CLPB: variants seen among roughly 807,000 people sequenced by gnomAD.
The protein encoded by CLPB is mitochondrial disaggregase.
Under a neutral mutation model 78.4 loss-of-function variants are expected in CLPB, and 40 were observed. That is an observed-to-expected ratio of 0.51 (90% CI 0.40 to 0.66). The LOEUF (loss-of-function observed/expected upper bound fraction) is 0.66. Among genes scored for constraint, CLPB ranks in the 30% least tolerant of loss-of-function variants. The pLI, the probability that CLPB is intolerant of heterozygous loss-of-function variation, is 0.00. For synonymous variants in CLPB, 333 were observed against 348.0 expected (o/e 0.96, Z 0.48); for missense variants, 780 against 886.9 (o/e 0.88, Z 1.53).
At chr11:72,298,487 A>G (rs1301959291) in intron 11 of CLPB, among the ~76,000 whole-genome samples, 2 of 152,088 alleles carry the variant, frequency 1.3e-5, no homozygotes, top group African/African-American at 4.8e-5. Context: ...AATGAGCCAC[A>G]TTCTTTTGGT....
chr11:72,349,751 AG>A (rs1043149933), intron 5 of CLPB, among the ~76,000 whole-genome samples: 2 of 152,212 alleles, frequency 1.3e-5, no homozygotes, highest in Non-Finnish European at 2.9e-5. Context: ...CATACGCTGG[AG>A]GGGGCATGAG....
chr11:72,382,488 T>C (rs946470038), intron 3 of CLPB, among the ~76,000 whole-genome samples: 5 of 152,158 alleles, frequency 3.3e-5, no homozygotes, highest in African/African-American at 1.2e-4. Context: ...GGCTTCAGGC[T>C]GGCTCCCGCA....
chr11:72,285,749 T>TGCC lies in CLPB; in HGVS notation c.*7615_*7617dup, dbSNP rs1320012019. 6.6e-6 allele frequency: 1 copy of TGCC among 152,202 alleles called. No homozygotes were observed. The highest frequency in any genetic ancestry group is 1.5e-5 in the Non-Finnish European group (1 of 68,040). The allele number at this position is 152,202 out of a possible 1,614,324, so 9.4% of individuals were successfully genotyped here. ...TCCCCTTCCATTGCTGTCCCTGAAT[T>TGCC]GCCCAGTTCTGCTCCCTTCCAGAAA... On this transcript the variant is annotated 3_prime_UTR_variant, in exon 16 of 16. Coordinates refer to ENST00000538039, the MANE Select transcript of CLPB (RefSeq NM_001258392.3).
At chr11:72,404,118 C>A (rs976955897) in intron 2 of CLPB, among the ~76,000 whole-genome samples, 2 of 152,188 alleles carry the variant, frequency 1.3e-5, no homozygotes, top group African/African-American at 4.8e-5. Flanking sequence ...CACCACCCTT[C>A]CTCCAGACAG....
At chr11:72,358,733 C>T in intron 5 of CLPB, 147 bp downstream of exon 5, 1 of 705,824 alleles carries the variant, frequency 1.4e-6, no homozygotes, top group Non-Finnish European at 2.3e-6. Flanking sequence ...GATAACAGGG[C>T]TCTGGGGAAG....
chr11:72,361,837 T>C (rs1950845052), intron 4 of CLPB, among the ~76,000 whole-genome samples: 1 of 152,194 alleles, frequency 6.6e-6, no homozygotes. Flanking sequence ...TTCCTGACTT[T>C]CAGAAGCTAA....
At chr11:72,306,047 T>C (rs929890041) in intron 9 of CLPB, among the ~76,000 whole-genome samples, 17 of 152,232 alleles carry the variant, frequency 1.1e-4, no homozygotes, top group Non-Finnish European at 2.5e-4. Flanking sequence ...GCCAACCTGA[T>C]GAATTGACTT....
chr11:72,417,007 T>C (rs183281319), intron 2 of CLPB, among the ~76,000 whole-genome samples: 3 of 152,278 alleles, frequency 2.0e-5, no homozygotes, highest in Non-Finnish European at 4.4e-5. Context: ...GGAAAATGGT[T>C]GGGCAGTTCC....
At chr11:72,411,173 G>C (rs933878859) in intron 2 of CLPB, among the ~76,000 whole-genome samples, 2 of 152,186 alleles carry the variant, frequency 1.3e-5, no homozygotes, top group Non-Finnish European at 2.9e-5. Context: ...CACAAAGCTC[G>C]GGGTCTGAAT....
Position 72,294,097 on chromosome 11 carries a change from G to T in CLPB, c.1710C>A (p.Leu570=). The change falls in exon 15 of 16, where the codon CTC becomes CTA. Residue 570 remains leucine (L), a synonymous_variant. Coordinates refer to ENST00000538039, the MANE Select transcript of CLPB (RefSeq NM_001258392.3). ...GCACATCTGCCACCTCGCGGTCCCA[G>T]AGCAGCGTGATGTTGTGCCTTTGCT... ...RAKQRHNITL[L]WDREVADVLV... is the part of the protein sequence containing the mutation. 1 of 1,614,168 alleles carries T rather than the reference G, an allele frequency of 6.2e-7. No individual in the cohort carries two copies. Among genetic ancestry groups the T allele is most frequent in the Non-Finnish European group, 8.5e-7 (1 of 1,180,014 alleles).
At chr11:72,423,837 C>T (rs944004706) in intron 2 of CLPB, among the ~76,000 whole-genome samples, 1 of 152,210 alleles carries the variant, frequency 6.6e-6, no homozygotes, top group Non-Finnish European at 1.5e-5. Flanking sequence ...CCCTTGCTTT[C>T]TAGGGTCCAG....
intron 5 of CLPB, chr11:72,336,677 A>T (rs1950328364): frequency 6.1e-6 from 1 of 165,190 alleles, no homozygotes; most frequent in Non-Finnish European, 1.3e-5. Flanking sequence ...CTATTTCAGC[A>T]GTCTGTTGAC....
At chr11:72,431,808 C>T (rs1392879484) in intron 1 of CLPB, among the ~76,000 whole-genome samples, 2 of 152,212 alleles carry the variant, frequency 1.3e-5, no homozygotes, top group Non-Finnish European at 2.9e-5. Flanking sequence ...TACCACACTG[C>T]ACTGAGGGTC....
chr11:72,399,956 T>C (rs966006540), intron 3 of CLPB, among the ~76,000 whole-genome samples: 14 of 152,358 alleles, frequency 9.2e-5, no homozygotes, highest in Non-Finnish European at 1.9e-4. Context: ...ACAGGGCACC[T>C]TAACAATGAG....
chr11:72,369,858 C>A (rs556267533), intron 4 of CLPB, among the ~76,000 whole-genome samples: 1 of 151,964 alleles, frequency 6.6e-6, no homozygotes, highest in Non-Finnish European at 1.5e-5. Context: ...GAACTGCGTG[C>A]GTCAGGGAAG....
intron 3 of CLPB, among the ~76,000 whole-genome samples, chr11:72,382,222 GC>G (rs1299162624): frequency 1.3e-5 from 2 of 152,130 alleles, no homozygotes; most frequent in Admixed American, 1.3e-4. Flanking sequence ...TAACAGCCTG[GC>G]CCCCATGGGA....
rs1028785298 is a variant in CLPB at position 72,312,550 on chromosome 11, C to T, written c.989-3946G>A. 6.6e-6 allele frequency among the ~76,000 whole-genome samples: 1 copy of T among 152,100 alleles called. No homozygotes were observed. Among genetic ancestry groups the T allele is most frequent in the Non-Finnish European group, 1.5e-5 (1 of 68,020 alleles). The stretch of plus-strand genomic sequence containing the variant: ...AGACTAGCCCAACACTGGTTTAATA[C>T]TTGCTGACTAAATGAATTATTGGTC... On this transcript the variant is annotated intron_variant, in intron 7 of 15. Transcript: ENST00000538039. This position sits in a 1 kb window ranked among gnomAD's most constrained non-coding sequence, Gnocchi z 4.2.
chr11:72,300,011 G>A (rs1372410172), intron 11 of CLPB, among the ~76,000 whole-genome samples: 6 of 152,150 alleles, frequency 3.9e-5, no homozygotes, highest in Admixed American at 1.3e-4. Flanking sequence ...CAAACAGGCC[G>A]CGATGCTCAC....
chr11:72,370,297 ATCTC>A (rs1951019457), intron 4 of CLPB, among the ~76,000 whole-genome samples: 1 of 152,200 alleles, frequency 6.6e-6, no homozygotes, highest in Admixed American at 6.5e-5. Context: ...CAACTAGTCT[ATCTC>A]TCTCTCCTAG....
Sources: allele counts gnomAD v4.1 joint callset (sites outside exome capture counted in the v4.1 genomes callset), GRCh38; gene constraint gnomAD v4.1.1; non-coding constraint Gnocchi (gnomAD v3.1); transcripts MANE v1.5; gene names NCBI Gene and HGNC (gene_info 2026-07-23, HGNC 2026-07-21).